PBX1: variants seen among roughly 807,000 people sequenced by gnomAD.
PBX1 encodes pre-B-cell leukemia transcription factor 1.
PBX1 carries 6 observed loss-of-function variants against 53.4 expected under a neutral mutation model. The observed-to-expected ratio is 0.11, with a 90% CI of 0.06 to 0.22. PBX1 has a LOEUF of 0.22. PBX1 is among the 10% of genes least tolerant of loss of function. The pLI is 1.00. For missense variants in PBX1, 251 were observed against 551.4 expected, an observed-to-expected ratio of 0.46 and a Z score of 5.46; for synonymous variants, 204 against 212.3, an observed-to-expected ratio of 0.96 and a Z score of 0.34.
rs192277991 is a variant in PBX1 at position 164,601,946 on chromosome 1, C to A, written c.265+38635C>A. 3.0e-3 allele frequency among the ~76,000 whole-genome samples: 460 copies of A among 152,280 alleles called. 5 individuals are homozygous for A. The highest frequency in any genetic ancestry group is 0.011 in the African/African-American group (446 of 41,566). On this transcript the variant is annotated intron_variant, in intron 2 of 8. Coordinates refer to ENST00000420696, the MANE Select transcript of PBX1 (RefSeq NM_002585.4). ...AGAGACCAGCTTCCACTCAGCCATGCACCCTAGGAGTGGGGATTCAGCTCT... is the reference window on the plus strand; with the variant it reads ...AGAGACCAGCTTCCACTCAGCCATGAACCCTAGGAGTGGGGATTCAGCTCT...
intron 2 of PBX1, among the ~76,000 whole-genome samples, chr1:164,863,749 G>T (rs1672149751): frequency 6.6e-6 from 1 of 152,176 alleles, no homozygotes; most frequent in Admixed American, 6.5e-5. Flanking sequence ...GAATCTGGCG[G>T]ATACCAGTAC....
intron 2 of PBX1, among the ~76,000 whole-genome samples, chr1:164,713,388 TGATA>T (rs1204842245): frequency 7.2e-5 from 11 of 152,278 alleles, no homozygotes; most frequent in Middle Eastern, 3.4e-3. Flanking sequence ...TTTCCAATGG[TGATA>T]GATAGACAGC....
At chr1:164,830,215 G>A (rs1376102166) in intron 8 of PBX1, among the ~76,000 whole-genome samples, 1 of 152,116 alleles carries the variant, frequency 6.6e-6, no homozygotes, top group Non-Finnish European at 1.5e-5. Context: ...TGAAAAGTAG[G>A]AAGAAATAAT....
rs1389953853 is a variant in PBX1, at chr1:164,820,103, T to C, written c.1029T>C (p.Ser343=). ...CCAGTTCTTTTAACATGTCAAACTC[T>C]GGAGATTTGTTCATGAGCGTGCAGT... ...GSSSSFNMSN[S]GDLFMSVQSL... is the part of the protein sequence containing the mutation. Residue 343 remains serine (S), a synonymous_variant, in exon 7 of 9, where the codon TCT becomes TCC. Coordinates refer to ENST00000420696, the MANE Select transcript of PBX1 (RefSeq NM_002585.4). 6.2e-7 allele frequency: 1 copy of C among 1,613,382 alleles called. No homozygotes were observed. Among genetic ancestry groups the C allele is most frequent in the Non-Finnish European group, 8.5e-7 (1 of 1,179,436 alleles).
chr1:164,780,345 T>C (rs1667870038), intron 2 of PBX1, among the ~76,000 whole-genome samples: 1 of 152,174 alleles, frequency 6.6e-6, no homozygotes, highest in African/African-American at 2.4e-5. Context: ...TAGCACATTA[T>C]TTTCGATAAG....
intron 2 of PBX1, among the ~76,000 whole-genome samples, chr1:164,568,977 A>G (rs904112654): frequency 1.3e-5 from 2 of 152,196 alleles, no homozygotes; most frequent in Non-Finnish European, 2.9e-5. Flanking sequence ...ATTGGTGGAA[A>G]TTGAGATTGC....
At chr1:164,586,698 A>C (rs1295012695) in intron 2 of PBX1, among the ~76,000 whole-genome samples, 1 of 152,212 alleles carries the variant, frequency 6.6e-6, no homozygotes, top group Non-Finnish European at 1.5e-5. Flanking sequence ...AAGCAAGAGA[A>C]AGAAGTCACA....
At chr1:164,601,037 G>C (rs1445079463) in intron 2 of PBX1, among the ~76,000 whole-genome samples, 4 of 151,920 alleles carry the variant, frequency 2.6e-5, no homozygotes, top group South Asian at 2.1e-4. Flanking sequence ...TCAGGAGTTT[G>C]AGACCAGCCT....
chr1:164,709,664 A>G (rs940727526), intron 2 of PBX1, among the ~76,000 whole-genome samples: 3 of 152,088 alleles, frequency 2.0e-5, no homozygotes, highest in African/African-American at 7.2e-5. Flanking sequence ...CCTAAACTAT[A>G]TTTTGTTGGG....
At chr1:164,882,367 C>A (rs1020266518) in intron 2 of PBX1, among the ~76,000 whole-genome samples, 1 of 152,098 alleles carries the variant, frequency 6.6e-6, no homozygotes, top group African/African-American at 2.4e-5. Flanking sequence ...TTCATTTTTT[C>A]TTGATTTCTT....
intron 2 of PBX1, among the ~76,000 whole-genome samples, chr1:164,731,333 C>T (rs995684961): frequency 6.6e-6 from 1 of 150,526 alleles, no homozygotes; most frequent in Non-Finnish European, 1.5e-5. Context: ...AAAAAACTCT[C>T]TTGGCTTCTC....
At chr1:164,808,150 A>T (rs543881403) in intron 5 of PBX1, among the ~76,000 whole-genome samples, 2 of 152,334 alleles carry the variant, frequency 1.3e-5, no homozygotes, top group Admixed American at 6.5e-5. Context: ...TGCTGACTCT[A>T]TAACTGATGG....
At chr1:164,622,867 C>T (rs1657778642) in intron 2 of PBX1, among the ~76,000 whole-genome samples, 1 of 148,200 alleles carries the variant, frequency 6.7e-6, no homozygotes, top group Non-Finnish European at 1.5e-5. Context: ...CTCTTTCGCC[C>T]AGGCTGGAGT....
intron 2 of PBX1, among the ~76,000 whole-genome samples, chr1:164,744,101 A>G (rs1665767787): frequency 6.6e-6 from 1 of 152,218 alleles, no homozygotes; most frequent in South Asian, 2.1e-4. Flanking sequence ...GAGATACACC[A>G]GGAGCTAGGG....
At chr1:164,679,606 G>A (rs1403644567) in intron 2 of PBX1, among the ~76,000 whole-genome samples, 1 of 152,014 alleles carries the variant, frequency 6.6e-6, no homozygotes. Context: ...TAAATCCAAG[G>A]TCATTGGATC....
intron 2 of PBX1, chr1:164,682,459 T>C (rs1661834261): frequency 6.6e-6 from 1 of 152,172 alleles, no homozygotes; most frequent in Admixed American, 6.5e-5. Context: ...AATACATCAG[T>C]AAACAAAATA....
At chr1:164,749,879 G>A (rs555919728) in intron 2 of PBX1, among the ~76,000 whole-genome samples, 4 of 152,184 alleles carry the variant, frequency 2.6e-5, no homozygotes, top group African/African-American at 9.6e-5. Context: ...GATATTCATC[G>A]CTTGAGCCCA....
intron 2 of PBX1, among the ~76,000 whole-genome samples, chr1:164,640,847 T>C (rs975675964): frequency 1.3e-5 from 2 of 152,314 alleles, no homozygotes; most frequent in Non-Finnish European, 1.5e-5. Flanking sequence ...CATGAGCCAC[T>C]GCAGCGGCCG....
At chr1:164,734,350 T>A (rs560211754) in intron 2 of PBX1, among the ~76,000 whole-genome samples, 1 of 152,210 alleles carries the variant, frequency 6.6e-6, no homozygotes, top group Non-Finnish European at 1.5e-5. Flanking sequence ...ACAGAAAATA[T>A]AAAAACTACA....
Sources: gnomAD v4.1 joint callset for allele counts (sites outside exome capture counted in the v4.1 genomes callset) on GRCh38, gnomAD v4.1.1 for gene constraint, MANE v1.5 for transcripts, NCBI Gene and HGNC (gene_info 2026-07-23, HGNC 2026-07-21) for gene names.